The following ANK3 variants were observed in gnomAD, a reference collection of about 807,000 sequenced individuals.
ANK3 encodes the protein ankyrin 3.
Under a neutral mutation model 370.9 loss-of-function variants are expected in ANK3, and 57 were observed. The observed-to-expected ratio is 0.15, with a 90% CI of 0.12 to 0.19. ANK3 has a LOEUF of 0.19. Among genes scored for constraint, ANK3 ranks in the 10% least tolerant of loss-of-function variants. ANK3 has a pLI of 1.00. For synonymous variants in ANK3, 1,929 were observed against 1,946.3 expected (o/e 0.99, Z 0.23); for missense variants, 4,439 against 5,302.1 (o/e 0.84, Z 5.06).
At chr10:60,053,792 T>C (rs1261561561) in intron 42 of ANK3, 1 of 1,265,116 alleles carries the variant, frequency 7.9e-7, no homozygotes, top group East Asian at 5.6e-5. Context: ...ACCTAGTTGG[T>C]TGCTATTATA....
chr10:60,073,200 C>T lies in ANK3; in HGVS notation c.7681G>A (p.Glu2561Lys). Residue 2561 changes from glutamate to lysine, a missense_variant, in exon 37 of 44, where the codon GAG becomes AAG. Around this residue, in one of 13 missense-constraint regions of ANK3, gnomAD observed 1,601 missense variants for 1,731.7 expected, o/e 0.92. Transcript: ENST00000280772. The part of the protein sequence containing the change: ...PKHAMWMRFT[E>K]DRLDRGREKL... ...TCTCTACCTCTGTCTAATCTGTCCT[C>T]AGTAAAGCGCATCCACATGGCATGT... is the stretch of plus-strand genomic sequence containing the variant. 1 of 1,614,172 alleles carries T rather than the reference C, an allele frequency of 6.2e-7. No homozygotes were observed. The highest frequency in any genetic ancestry group is 8.5e-7 in the Non-Finnish European group (1 of 1,180,026).
In ANK3 at chr10:60,505,816, T is replaced by G. The variant is rs111817493; in HGVS notation, c.96+109370A>C. On this transcript the variant is annotated intron_variant, in intron 2 of 43. Transcript: ENST00000373827. ...TTTTTAAAAAGCTCTTTTTTTTGAT[T>G]TTACAAAACCTCCAAACTGTATTTT... Among the ~76,000 whole-genome samples the G allele has an allele frequency of 4.8e-3, 731 of 152,250 alleles. 7 individuals carry two copies. The highest frequency in any genetic ancestry group is 0.027 in the Middle Eastern group (8 of 294).
chr10:60,140,906 T>C lies in ANK3; in HGVS notation c.2615-1819A>G, dbSNP rs149515271. On this transcript the variant is annotated intron_variant, in intron 23 of 43. Coordinates refer to ENST00000280772, the MANE Select transcript of ANK3 (RefSeq NM_020987.5). ...GGAGGTGATTCTTCTCAAATATGAATGAAGAAACAGCCAACCCAGGTAGAG... is the reference window on the plus strand; with the variant it reads ...GGAGGTGATTCTTCTCAAATATGAACGAAGAAACAGCCAACCCAGGTAGAG... 956 of 985,682 alleles carry C rather than the reference T, an allele frequency of 9.7e-4. 9 individuals are homozygous for C. The African/African-American group carries it at 0.015, about 16-fold the overall frequency. The allele number at this position is 985,682 out of a possible 1,614,324, so 61.1% of individuals were successfully genotyped here.
intron 2 of ANK3, among the ~76,000 whole-genome samples, chr10:60,579,326 T>TAAAAAA (rs763281984): frequency 2.9e-5 from 2 of 69,022 alleles, no homozygotes; most frequent in African/African-American, 1.2e-4. Context: ...TCTCTCTCAA[T>TAAAAAA]AAAAAAAAAA....
At chr10:60,714,986 G>C (rs1476153703) in intron 1 of ANK3, among the ~76,000 whole-genome samples, 3 of 152,052 alleles carry the variant, frequency 2.0e-5, no homozygotes, top group Admixed American at 2.0e-4. Context: ...TATGAATTTT[G>C]GTTAATAATC....
At chr10:60,030,618 TCA>T (rs1315249060) in intron 43 of ANK3, among the ~76,000 whole-genome samples, 1 of 152,108 alleles carries the variant, frequency 6.6e-6, no homozygotes, top group African/African-American at 2.4e-5. Context: ...CAGGATCCAG[TCA>T]GATAGAGCCT....
At chr10:60,230,329 G>T (rs964868587) in intron 8 of ANK3, among the ~76,000 whole-genome samples, 2 of 152,196 alleles carry the variant, frequency 1.3e-5, no homozygotes, top group African/African-American at 4.8e-5. Flanking sequence ...AAACATTTTA[G>T]TCTATAAAGA....
At chr10:60,383,581 C>A (rs2061840371) in intron 1 of ANK3, among the ~76,000 whole-genome samples, 1 of 152,278 alleles carries the variant, frequency 6.6e-6, no homozygotes. Context: ...ATTACACCAT[C>A]TCCAGCCTCA....
rs1192687738 is a variant in ANK3 at position 60,186,904 on chromosome 10, A to G, written c.1896T>C (p.Tyr632=). 3 of 1,614,094 alleles carry G rather than the reference A, an allele frequency of 1.9e-6. No homozygotes were observed. The highest frequency in any genetic ancestry group is 2.2e-5 in the South Asian group (2 of 91,080). ...TTTTGGCAGCGATGTGCAGTGGCGT[A>G]TAACCATTCTGTCAACACAAATCAC... ...ASPHAAAKNG[Y]TPLHIAAKKN... is the part of the protein sequence containing the mutation. Residue 632 remains tyrosine (Y), a synonymous_variant, in exon 17 of 44, where the codon TAT becomes TAC. Transcript: ENST00000280772.
intron 9 of ANK3, among the ~76,000 whole-genome samples, chr10:60,212,741 G>T (rs2096876220): frequency 6.6e-6 from 1 of 152,052 alleles, no homozygotes; most frequent in Non-Finnish European, 1.5e-5. Context: ...TCTTAGTAAA[G>T]CTTAGTATCA....
intron 1 of ANK3, among the ~76,000 whole-genome samples, chr10:60,647,267 A>C (rs564367415): frequency 5.9e-5 from 9 of 152,352 alleles, no homozygotes; most frequent in African/African-American, 2.2e-4. Context: ...GAAATTGCTC[A>C]GATCTCATTT....
rs562184469 is a variant in ANK3 at position 60,136,668 on chromosome 10, G to T, written c.2739-2295C>A. ...AGTGCCAACTGCAGAACAGAGCCCT[G>T]AATTGGGAGCTATCAACCGAAAGGC... is the stretch of plus-strand genomic sequence containing the variant. On this transcript the variant is annotated intron_variant, in intron 24 of 43. Coordinates refer to ENST00000280772, the MANE Select transcript of ANK3 (RefSeq NM_020987.5). Among the ~76,000 whole-genome samples the T allele has an allele frequency of 3.6e-4, 55 of 152,228 alleles. No homozygotes were observed. In the South Asian group the frequency reaches 7.5e-3, roughly 21 times the overall value.
chr10:60,559,958 G>A (rs574973437), intron 2 of ANK3, among the ~76,000 whole-genome samples: 3 of 152,036 alleles, frequency 2.0e-5, no homozygotes, highest in Non-Finnish European at 2.9e-5. Flanking sequence ...CAGGAGAATC[G>A]CTTGAACCTG....
intron 2 of ANK3, among the ~76,000 whole-genome samples, chr10:60,398,212 A>G (rs116680404): frequency 1.5e-3 from 232 of 152,328 alleles, no homozygotes; most frequent in African/African-American, 5.3e-3. Flanking sequence ...GTGTCACCAA[A>G]TATACTCCTT....
At chr10:60,661,187 A>T (rs1404103307) in intron 1 of ANK3, among the ~76,000 whole-genome samples, 1 of 151,486 alleles carries the variant, frequency 6.6e-6, no homozygotes, top group African/African-American at 2.4e-5. Context: ...ACTGTCAATG[A>T]CGGAACCATA....
rs2097842942 is a variant in ANK3 at position 60,263,763 on chromosome 10, C to T, written c.699+72G>A. ...TGGCATAAGCTTGCGAAGAGGGAGA[C>T]CGGGTGCTCTTAAAGGTTGTGTGTC... On this transcript the variant is annotated intron_variant, in intron 6 of 43. Coordinates refer to ENST00000280772, the MANE Select transcript of ANK3 (RefSeq NM_020987.5). 5 of 1,563,898 alleles carry T rather than the reference C, an allele frequency of 3.2e-6. No homozygotes were observed. In the African/African-American group the frequency reaches 5.4e-5, roughly 17 times the overall value.
intron 1 of ANK3, among the ~76,000 whole-genome samples, chr10:60,698,746 C>T (rs2079502637): frequency 1.1e-5 from 1 of 90,618 alleles, no homozygotes; most frequent in African/African-American, 4.6e-5. Context: ...ACTCTGGGGA[C>T]TGTTGTGGGG....
rs567422197 is a variant in ANK3, at chr10:60,186,798, C to T, written c.2002G>A (p.Val668Ile). The T allele has an allele frequency of 4.8e-5, 78 of 1,614,132 alleles. No homozygotes were observed. The highest frequency in any genetic ancestry group is 7.7e-5 in the South Asian group (7 of 91,080). The change falls in exon 17 of 44, where the codon GTC (valine) becomes ATC (isoleucine). Residue 668 changes from valine to isoleucine, a missense_variant. Physicochemically the swap from Val to Ile is conservative, Grantham distance 29. Transcript: ENST00000280772. ...NAVTRQGIAS[V>I]HLAAQEGHVD... is the part of the protein sequence containing the mutation. ...TGCCCTTCCTGAGCTGCGAGATGGA[C>T]GGAAGCAATTCCTTGCCGGGTAACT...
intron 1 of ANK3, among the ~76,000 whole-genome samples, chr10:60,348,336 C>G (rs200868228): frequency 1.8e-5 from 2 of 111,666 alleles, no homozygotes; most frequent in East Asian, 5.1e-4. Flanking sequence ...AAAGAAAACC[C>G]TATCACTAGC....
Sources: allele counts gnomAD v4.1 joint callset (sites outside exome capture counted in the v4.1 genomes callset), GRCh38; gene constraint gnomAD v4.1.1; regional missense constraint gnomAD v4.1.1; transcripts MANE v1.5; gene names NCBI Gene and HGNC (gene_info 2026-07-23, HGNC 2026-07-21).